Variants in RHPN1 observed in about 807,000 individuals in gnomAD.
RHPN1 encodes the protein rhophilin-1.
In RHPN1, 77 loss-of-function variants were observed where a neutral mutation model predicts 74.7. The ratio of observed to expected loss-of-function variants is 1.03; its 90% CI spans 0.86 to 1.25. The LOEUF is 1.25. Ranked by LOEUF, RHPN1 falls within the 50% of genes most tolerant of loss-of-function variation. The probability of loss-of-function intolerance (pLI) is 0.00; values close to 1 mark genes in which losing one functional copy is unlikely to be tolerated. For missense variants in RHPN1, 987 were observed against 932.2 expected (o/e 1.06, Z -0.77); for synonymous variants, 444 against 414.5 (o/e 1.07, Z -0.87).
rs76495299 is a variant in RHPN1, at chr8:143,380,886, G to A, written c.1411+103G>A. 6.6e-4 allele frequency: 658 copies of A among 990,818 alleles called. 13 individuals carry two copies. The South Asian group carries it at 0.011, about 16-fold the overall frequency. 61.4% of individuals were successfully genotyped at this position (990,818 alleles called of 1,614,324 possible). A position where few individuals can be genotyped will look rare whatever the true frequency, so the allele number is the denominator to read the frequency against. On this transcript the variant is annotated intron_variant, in intron 11 of 14. Transcript: ENST00000289013. ...ATTGCATTAAAGATGCAGTCACCAC[G>A]ATGAATTAAACAGCAGTAGCACTTT... is the stretch of plus-strand genomic sequence containing the variant.
In RHPN1 at chr8:143,379,306, C is replaced by T; in HGVS notation, c.752-9C>T. ...GGCCCTGCCTGTGTGAGCACCCCTC[C>T]CTCCGCAGGGGCCTTCAGCCTCCTG... On this transcript the variant is annotated splice_polypyrimidine_tract_variant and intron_variant, in intron 7 of 14. Transcript: ENST00000289013. The T allele has an allele frequency of 1.9e-6, 3 of 1,574,854 alleles. No homozygotes were observed. Among genetic ancestry groups the T allele is most frequent in the Non-Finnish European group, 2.6e-6 (3 of 1,157,372 alleles).
rs1036666834 is a variant in RHPN1, at chr8:143,380,689, G to A, written c.1317G>A (p.Val439=). 5 of 1,584,972 alleles carry A rather than the reference G, an allele frequency of 3.2e-6. No individual in the cohort carries two copies. The highest frequency in any genetic ancestry group is 1.8e-5 in the Admixed American group (1 of 56,186). ...VLREVDLLRA[V]ISQTLQRSLA... ...GCGAGGTGGACCTGCTTCGGGCTGT[G>A]ATCTCCCAGACGCTGCAGCGCTCAC... Residue 439 remains valine, a synonymous_variant, in exon 11 of 15, where the codon GTG becomes GTA. Coordinates refer to ENST00000289013, the MANE Select transcript of RHPN1 (RefSeq NM_052924.3).
chr8:143,375,270 T>C (rs1818135748), intron 1 of RHPN1, among the ~76,000 whole-genome samples: 1 of 152,122 alleles, frequency 6.6e-6, no homozygotes, highest in South Asian at 2.1e-4. Context: ...GCTTCTGGTG[T>C]CCTTGGCAGG....
rs1346849666 is a variant in RHPN1 at position 143,382,427 on chromosome 8, C to T, written c.1798-9C>T. The T allele has an allele frequency of 2.6e-6, 4 of 1,553,224 alleles. No homozygotes were observed. Among genetic ancestry groups the T allele is most frequent in the Non-Finnish European group, 3.5e-6 (4 of 1,149,118 alleles). On this transcript the variant is annotated splice_polypyrimidine_tract_variant and intron_variant, in intron 14 of 14. Transcript: ENST00000289013. ...GGCTGACCACAGTCTGTCTCTGTCC[C>T]TGCTGCAGGGGGACCGCCGGCCCGT...
intron 14 of RHPN1, 36 bp downstream of exon 14, chr8:143,382,004 C>T (rs377545318): frequency 5.9e-6 from 9 of 1,531,610 alleles, no homozygotes; most frequent in East Asian, 4.5e-5. Flanking sequence ...CGGTCCCCAG[C>T]TTGCTGTCAC....
Position 143,376,544 on chromosome 8 carries a change from G to C in RHPN1, c.196G>C (p.Val66Leu), listed in dbSNP as rs769730931. 6.0e-5 allele frequency: 97 copies of C among 1,612,328 alleles called. 1 individual carries two copies. In the East Asian group the frequency reaches 2.1e-3, roughly 36 times the overall value. ...CCTCAGAGCCACCAGCAACAACCGGGTGAGAGAGACGGTCGCCCTGGAGCT... is the reference window on the plus strand; with the variant it reads ...CCTCAGAGCCACCAGCAACAACCGGCTGAGAGAGACGGTCGCCCTGGAGCT... Reference protein sequence around the residue: ...NLYRATSNNRVRETVALELSY... With the variant: ...NLYRATSNNRLRETVALELSY... The change falls in exon 3 of 15, where the codon GTG becomes CTG. Residue 66 changes from valine (V) to leucine (L), a missense_variant. Physicochemically the swap from Val to Leu is conservative, Grantham distance 32. Coordinates refer to ENST00000289013, the MANE Select transcript of RHPN1 (RefSeq NM_052924.3).
Position 143,380,755 on chromosome 8 carries a change from T to A in RHPN1, c.1383T>A (p.Cys461Ter). The change falls in exon 11 of 15, where the codon TGT becomes TGA. Residue 461 changes from cysteine (C) to a stop codon, truncating the protein, a stop_gained. Transcript: ENST00000289013. LOFTEE classifies it high-confidence loss of function. ...YAELDREDDF[C>*]EAAEAPDIQP... ...AGCTCGACCGTGAGGATGACTTCTG[T>A]GAGGCTGCCGAGGCCCCGGACATCC... 1 of 1,587,070 alleles carries A rather than the reference T, an allele frequency of 6.3e-7. No homozygotes were observed. The highest frequency in any genetic ancestry group is 8.6e-7 in the Non-Finnish European group (1 of 1,166,180).
At chr8:143,364,804 C>T (rs1817540166), upstream of RHPN1, among the ~76,000 whole-genome samples, 1 of 152,084 alleles carries the variant, frequency 6.6e-6, no homozygotes, top group Non-Finnish European at 1.5e-5. The surrounding 1 kb of genome is among the most constrained non-coding windows in gnomAD (Gnocchi z 4.5). Flanking sequence ...TATTTACAAA[C>T]AATTCATTTT....
Position 143,378,769 on chromosome 8 carries a change from T to C in RHPN1, c.533T>C (p.Leu178Pro), listed in dbSNP as rs1205131068. The change falls in exon 6 of 15, where the codon CTG (leucine) becomes CCG (proline). Residue 178 changes from leucine to proline, a missense_variant. Coordinates refer to ENST00000289013, the MANE Select transcript of RHPN1 (RefSeq NM_052924.3). ...LTAYYNQLCF[L>P]DARFLTPARS... The stretch of plus-strand genomic sequence containing the variant: ...GCCTATTACAACCAGCTGTGCTTCC[T>C]GGATGCGCGCTTCCTCACCCCTGCC... 1 of 1,576,044 alleles carries C rather than the reference T, an allele frequency of 6.3e-7. No homozygotes were observed. Among genetic ancestry groups the C allele is most frequent in the Admixed American group, 1.8e-5 (1 of 54,360 alleles).
At chr8:143,375,806 G>A (rs1038414687) in intron 2 of RHPN1, 138 bp downstream of exon 2, 11 of 621,208 alleles carry the variant, frequency 1.8e-5, no homozygotes, top group Non-Finnish European at 2.2e-5. Flanking sequence ...TGGTGGGCAC[G>A]TAGTACACGT....
intron 1 of RHPN1, among the ~76,000 whole-genome samples, chr8:143,373,596 T>C (rs2977356): frequency 1.8e-4 from 5 of 27,162 alleles, no homozygotes; most frequent in Non-Finnish European, 2.9e-4. Context: ...GGTGTGGGGG[T>C]TTGGGGATGG....
chr8:143,372,894 T>C (rs1479388495), intron 1 of RHPN1, among the ~76,000 whole-genome samples: 8 of 33,946 alleles, frequency 2.4e-4, no homozygotes, highest in South Asian at 1.6e-3. Context: ...TTCCAGGGGA[T>C]GGTGCAGGGG....
intron 12 of RHPN1, 88 bp from the exon 13 acceptor site, chr8:143,381,484 G>A (rs528454259): frequency 8.0e-6 from 12 of 1,502,426 alleles, no homozygotes; most frequent in South Asian, 6.3e-5. Context: ...GGTGTCCCTC[G>A]GTGCACAGGT....
chr8:143,377,488 G>A (rs753748430), intron 4 of RHPN1, 33 bp downstream of exon 4: 4 of 1,540,210 alleles, frequency 2.6e-6, no homozygotes, highest in South Asian at 2.2e-5. Context: ...TGAGATACAC[G>A]GCCCTGCCCT....
chr8:143,379,114 G>A (rs377720461), intron 7 of RHPN1, 36 bp downstream of exon 7: 16 of 1,456,718 alleles, frequency 1.1e-5, no homozygotes, highest in East Asian at 7.5e-5. Flanking sequence ...GGCACGGCGC[G>A]GTGCCAGGGT....
At position 143,374,390 on chromosome 8, in the gene RHPN1, C is replaced by T. The variant is rs905715815; in HGVS notation, c.61-1163C>T. The T allele has an allele frequency of 4.5e-6, 4 of 888,448 alleles. No homozygotes were observed. The African/African-American group carries it at 7.2e-5, about 16-fold the overall frequency. 55.0% of individuals were successfully genotyped at this position (888,448 alleles called of 1,614,324 possible). A position where few individuals can be genotyped will look rare whatever the true frequency, so the allele number is the denominator to read the frequency against. ...TCCCGACAAGGGCGGGAAGCAGTCC[C>T]AGGAGCCACCAGAGGCCTTGTCTTG... On this transcript the variant is annotated intron_variant, in intron 1 of 14. Coordinates refer to ENST00000289013, the MANE Select transcript of RHPN1 (RefSeq NM_052924.3).
intron 12 of RHPN1, 33 bp downstream of exon 12, chr8:143,381,377 A>G (rs773197282): frequency 6.3e-7 from 1 of 1,576,256 alleles, no homozygotes; most frequent in Admixed American, 1.8e-5. Context: ...ACCGCCCAGC[A>G]TGGGCAGCTT....
At chr8:143,379,241 C>T (rs963527918) in intron 7 of RHPN1, 74 bp from the exon 8 acceptor site, 20 of 1,442,428 alleles carry the variant, frequency 1.4e-5, no homozygotes, top group African/African-American at 7.1e-5. Flanking sequence ...CCTAGCTGGC[C>T]GCCCTGAGTG....
rs867589990 is a variant in RHPN1, at chr8:143,378,928, G to T, written c.601G>T (p.Gly201Trp). ...ACACTGCAGGTACGACTCGCTTACTGGGGTCCCGGCCCAGCAGCGTGCCCT... is the reference window on the plus strand; with the variant it reads ...ACACTGCAGGTACGACTCGCTTACTTGGGTCCCGGCCCAGCAGCGTGCCCT... ...LFFHWYDSLTGVPAQQRALAF... is the reference protein window; with the variant it reads ...LFFHWYDSLTWVPAQQRALAF... Residue 201 changes from glycine (G) to tryptophan (W), a missense_variant, in exon 7 of 15, where the codon GGG (glycine) becomes TGG (tryptophan). Coordinates refer to ENST00000289013, the MANE Select transcript of RHPN1 (RefSeq NM_052924.3). 1 of 1,584,224 alleles carries T rather than the reference G, an allele frequency of 6.3e-7. No individual in the cohort carries two copies. Among genetic ancestry groups the T allele is most frequent in the East Asian group, 2.3e-5 (1 of 42,708 alleles).
Sources: gnomAD v4.1 joint callset for allele counts (sites outside exome capture counted in the v4.1 genomes callset) on GRCh38, gnomAD v4.1.1 for gene constraint, Gnocchi (gnomAD v3.1) non-coding constraint, MANE v1.5 for transcripts, NCBI Gene and HGNC (gene_info 2026-07-23, HGNC 2026-07-21) for gene names.